The following DISP3 variants were observed in gnomAD, a reference collection of about 807,000 sequenced individuals.
DISP3 encodes the protein protein dispatched homolog 3.
In DISP3, 101 loss-of-function variants were observed where a neutral mutation model predicts 135.3. The ratio of observed to expected loss-of-function variants is 0.75; its 90% CI spans 0.64 to 0.88. The LOEUF (loss-of-function observed/expected upper bound fraction) is 0.88, where lower values mean the gene tolerates loss of function less well. DISP3 is among the 40% of genes least tolerant of loss of function. DISP3 has a pLI of 0.00. For missense variants in DISP3, 1,713 were observed against 1,878.6 expected, an observed-to-expected ratio of 0.91 and a Z score of 1.63; for synonymous variants, 856 against 817.0, an observed-to-expected ratio of 1.05 and a Z score of -0.81.
intron 1 of DISP3, among the ~76,000 whole-genome samples, chr1:11,492,512 G>A (rs1247109137): frequency 6.6e-6 from 1 of 152,176 alleles, no homozygotes; most frequent in Non-Finnish European, 1.5e-5. Context: ...TGAGAAATGG[G>A]GGGCTTGGAC....
Position 11,501,424 on chromosome 1 carries a change from C to A in DISP3, c.432C>A (p.Thr144=). The part of the protein sequence containing the change: ...GRNRRDLADF[T]SETLQRLISE... Reference sequence around the variant, plus strand: ...ACCGGCGCGATTTGGCCGACTTCACCTCCGAGACGCTTCAGCGCCTTATCT... The same window carrying A: ...ACCGGCGCGATTTGGCCGACTTCACATCCGAGACGCTTCAGCGCCTTATCT... Residue 144 remains threonine, a synonymous_variant, in exon 2 of 21, where the codon ACC becomes ACA. Transcript: ENST00000294484. The surrounding 1 kb of genome is among the most constrained non-coding windows in gnomAD (Gnocchi z 4.9). The A allele has an allele frequency of 3.1e-6, 5 of 1,594,042 alleles. No homozygotes were observed. Among genetic ancestry groups the A allele is most frequent in the Non-Finnish European group, 4.3e-6 (5 of 1,170,858 alleles).
At position 11,526,701 on chromosome 1, in the gene DISP3, G is replaced by A; in HGVS notation, c.2664G>A (p.Met888Ile). 6.2e-7 allele frequency: 1 copy of A among 1,614,200 alleles called. No individual in the cohort carries two copies. Among genetic ancestry groups the A allele is most frequent in the Non-Finnish European group, 8.5e-7 (1 of 1,180,050 alleles). The change falls in exon 13 of 21, where the codon ATG becomes ATA. Residue 888 changes from methionine (M) to isoleucine (I), a missense_variant. Coordinates refer to ENST00000294484, the MANE Select transcript of DISP3 (RefSeq NM_020780.2). ...TCACCAAGAAGCTGACCGCTTGTATGTCTACAGTAGGGCTGCTCCAGGCGG... is the reference window on the plus strand; with the variant it reads ...TCACCAAGAAGCTGACCGCTTGTATATCTACAGTAGGGCTGCTCCAGGCGG... ...GNFTKKLTAC[M>I]STVGLLQAAS... is the part of the protein sequence containing the mutation.
intron 3 of DISP3, among the ~76,000 whole-genome samples, chr1:11,505,642 TATAAC>T (rs1185443858): frequency 6.6e-6 from 1 of 152,236 alleles, no homozygotes; most frequent in Non-Finnish European, 1.5e-5. Context: ...TACCTTGACT[TATAAC>T]AGAATAATAT....
Position 11,531,906 on chromosome 1 carries a change from C to T in DISP3, c.3375+196C>T, listed in dbSNP as rs1463474141. 2.0e-5 allele frequency among the ~76,000 whole-genome samples: 3 copies of T among 152,232 alleles called. No individual in the cohort carries two copies. The highest frequency in any genetic ancestry group is 7.2e-5 in the African/African-American group (3 of 41,458). ...GACCGCCTAACTGCAGAGCTCTGCC[C>T]TTTCTTCCCCATGGGCGGCCTGCCA... On this transcript the variant is annotated intron_variant, in intron 17 of 20. Coordinates refer to ENST00000294484, the MANE Select transcript of DISP3 (RefSeq NM_020780.2). This position sits in a 1 kb window ranked among gnomAD's most constrained non-coding sequence, Gnocchi z 5.2.
chr1:11,529,790 C>T lies in DISP3; in HGVS notation c.2933C>T (p.Pro978Leu). 1 of 1,613,136 alleles carries T rather than the reference C, an allele frequency of 6.2e-7. No individual in the cohort carries two copies. The highest frequency in any genetic ancestry group is 2.2e-5 in the East Asian group (1 of 44,880). The change falls in exon 15 of 21, where the codon CCC becomes CTC. Residue 978 changes from proline to leucine, a missense_variant. Around this residue, in one of 2 missense-constraint regions of DISP3, gnomAD observed 1,142 missense variants for 1,384.6 expected, o/e 0.82. Coordinates refer to ENST00000294484, the MANE Select transcript of DISP3 (RefSeq NM_020780.2). This position sits in a 1 kb window ranked among gnomAD's most constrained non-coding sequence, Gnocchi z 4.7. ...GFFFVPSEKV[P>L]KARLSATFGF... ...AGCTGTGACTCCCTGTTCGCAGTGC[C>T]CAAGGCCCGTCTCTCAGCCACCTTC...
intron 2 of DISP3, 118 bp from the exon 3 acceptor site, chr1:11,502,560 G>A: frequency 1.3e-6 from 1 of 785,838 alleles, no homozygotes; most frequent in East Asian, 2.7e-5. Context: ...GAGTTTTGGT[G>A]GATATGGACA....
chr1:11,528,172 C>G (rs1642477811), intron 13 of DISP3, among the ~76,000 whole-genome samples: 1 of 152,206 alleles, frequency 6.6e-6, no homozygotes, highest in Non-Finnish European at 1.5e-5. Flanking sequence ...ATTTAATGCC[C>G]CTGCCCCTTC....
intron 13 of DISP3, among the ~76,000 whole-genome samples, chr1:11,528,778 G>C (rs183273687): frequency 6.6e-6 from 1 of 152,180 alleles, no homozygotes; most frequent in Non-Finnish European, 1.5e-5. Context: ...TGTGGTCTCC[G>C]ATGGGGCTCA....
intron 17 of DISP3, chr1:11,533,749 G>T: frequency 1.4e-6 from 1 of 717,210 alleles, no homozygotes; most frequent in Non-Finnish European, 2.6e-6. Flanking sequence ...ACACACACAC[G>T]CAGACCTACT....
Position 11,499,414 on chromosome 1 carries a change from T to C in DISP3, c.-3-1576T>C, listed in dbSNP as rs1277072019. ...CCACATGCAGACTTGGTTTTTCCCT[T>C]TGGAGATGGGGTGAGTCTGAGCTGC... On this transcript the variant is annotated intron_variant, in intron 1 of 20. Coordinates refer to ENST00000294484, the MANE Select transcript of DISP3 (RefSeq NM_020780.2). The surrounding 1 kb of genome is among the most constrained non-coding windows in gnomAD (Gnocchi z 5.2). Among the ~76,000 whole-genome samples, 2 of 152,188 alleles carry C rather than the reference T, an allele frequency of 1.3e-5. No homozygotes were observed. Among genetic ancestry groups the C allele is most frequent in the African/African-American group, 4.8e-5 (2 of 41,440 alleles).
At position 11,531,747 on chromosome 1, in the gene DISP3, T is replaced by A. The variant is rs11121762; in HGVS notation, c.3375+37T>A. The A allele has an allele frequency of 5.3e-3, 8,324 of 1,560,666 alleles. 347 individuals are homozygous for A. In the African/African-American group the frequency reaches 0.096, roughly 18 times the overall value. ...CAGCCTCACTGGGTGCCATGCTGCG[T>A]ACTTGCCCGGGGTGTGCCACCTCTG... is the stretch of plus-strand genomic sequence containing the variant. On this transcript the variant is annotated intron_variant, in intron 17 of 20. Transcript: ENST00000294484. The surrounding 1 kb of genome is among the most constrained non-coding windows in gnomAD (Gnocchi z 5.2).
chr1:11,528,071 A>G (rs1255543608), intron 13 of DISP3, among the ~76,000 whole-genome samples: 1 of 152,208 alleles, frequency 6.6e-6, no homozygotes, highest in Non-Finnish European at 1.5e-5. Context: ...ACAAATAAGT[A>G]CTTGCTGAAT....
At position 11,520,888 on chromosome 1, in the gene DISP3, G is replaced by A; in HGVS notation, c.2362+40G>A. On this transcript the variant is annotated intron_variant, in intron 10 of 20. Coordinates refer to ENST00000294484, the MANE Select transcript of DISP3 (RefSeq NM_020780.2). This position sits in a 1 kb window ranked among gnomAD's most constrained non-coding sequence, Gnocchi z 4.8. Reference sequence around the variant, plus strand: ...CAGGCTGTCCCTGGCCCGCTCAGGTGTCCGGGTCCCAAAGACTGTTGGTCT... The same window carrying A: ...CAGGCTGTCCCTGGCCCGCTCAGGTATCCGGGTCCCAAAGACTGTTGGTCT... The A allele has an allele frequency of 6.5e-7, 1 of 1,544,264 alleles. No individual in the cohort carries two copies. The highest frequency in any genetic ancestry group is 1.2e-5 in the South Asian group (1 of 83,918).
chr1:11,516,793 G>A lies in DISP3; in HGVS notation c.1749+632G>A, dbSNP rs1044930193. Among the ~76,000 whole-genome samples the A allele has an allele frequency of 1.3e-5, 2 of 152,178 alleles. No individual in the cohort carries two copies. Among genetic ancestry groups the A allele is most frequent in the African/African-American group, 2.4e-5 (1 of 41,426 alleles). On this transcript the variant is annotated intron_variant, in intron 6 of 20. Transcript: ENST00000294484. The surrounding 1 kb of genome is among the most constrained non-coding windows in gnomAD (Gnocchi z 5.1). Reference sequence around the variant, plus strand: ...CCAGTAGATGCTTTAGGATTATCCAGGTCCTTCTAGAGAATCACTTCTAGA... The same window carrying A: ...CCAGTAGATGCTTTAGGATTATCCAAGTCCTTCTAGAGAATCACTTCTAGA...
At chr1:11,525,441 C>T in intron 12 of DISP3, 129 bp downstream of exon 12, 2 of 1,171,250 alleles carry the variant, frequency 1.7e-6, no homozygotes, top group Non-Finnish European at 2.3e-6. Context: ...ACCCCCCTCC[C>T]CTAAACCAGC....
rs75329840 is a variant in DISP3, at chr1:11,516,925, C to G, written c.1750-538C>G. On this transcript the variant is annotated intron_variant, in intron 6 of 20. Coordinates refer to ENST00000294484, the MANE Select transcript of DISP3 (RefSeq NM_020780.2). This position sits in a 1 kb window ranked among gnomAD's most constrained non-coding sequence, Gnocchi z 5.1. Reference sequence around the variant, plus strand: ...TGTGGATTATCCAGGGACTGAGATGCGAGGATGATTGTGAAAGTGTTTCAC... The same window carrying G: ...TGTGGATTATCCAGGGACTGAGATGGGAGGATGATTGTGAAAGTGTTTCAC... 2.6e-5 allele frequency among the ~76,000 whole-genome samples: 4 copies of G among 152,256 alleles called. No individual in the cohort carries two copies. The highest frequency in any genetic ancestry group is 5.9e-5 in the Non-Finnish European group (4 of 68,026).
At chr1:11,497,884 G>A (rs566384605) in intron 1 of DISP3, among the ~76,000 whole-genome samples, 69 of 152,280 alleles carry the variant, frequency 4.5e-4, no homozygotes, top group African/African-American at 1.6e-3. Context: ...CAAGTTCATC[G>A]GAGACTCCTT....
rs115630334 is a variant in DISP3, at chr1:11,516,979, C to T, written c.1750-484C>T. Among the ~76,000 whole-genome samples, 423 of 152,212 alleles carry T rather than the reference C, an allele frequency of 2.8e-3. No homozygotes were observed. Among genetic ancestry groups the T allele is most frequent in the African/African-American group, 9.7e-3 (404 of 41,528 alleles). ...GTGTAGGCTGCTCTGTTGGTGGCTACAGCTTCCTTCCAACTAGCACCTCCC... is the reference window on the plus strand; with the variant it reads ...GTGTAGGCTGCTCTGTTGGTGGCTATAGCTTCCTTCCAACTAGCACCTCCC... On this transcript the variant is annotated intron_variant, in intron 6 of 20. Transcript: ENST00000294484. The surrounding 1 kb of genome is among the most constrained non-coding windows in gnomAD (Gnocchi z 5.1).
rs1397537050 is a variant in DISP3, at chr1:11,483,415, A to G, written c.-4+4043A>G. Among the ~76,000 whole-genome samples the G allele has an allele frequency of 1.3e-5, 2 of 152,204 alleles. No homozygotes were observed. Among genetic ancestry groups the G allele is most frequent in the Non-Finnish European group, 2.9e-5 (2 of 68,042 alleles). The stretch of plus-strand genomic sequence containing the variant: ...CTCACTTAAGCCTTGCCACCATCTC[A>G]TGTCACATGAATTGTCATCCTCACT... On this transcript the variant is annotated intron_variant, in intron 1 of 20. Transcript: ENST00000294484. This position sits in a 1 kb window ranked among gnomAD's most constrained non-coding sequence, Gnocchi z 5.4.
Sources: gnomAD v4.1 joint callset for allele counts (sites outside exome capture counted in the v4.1 genomes callset) on GRCh38, gnomAD v4.1.1 for gene constraint, gnomAD v4.1.1 regional missense constraint, Gnocchi (gnomAD v3.1) non-coding constraint, MANE v1.5 for transcripts, NCBI Gene and HGNC (gene_info 2026-07-23, HGNC 2026-07-21) for gene names.